The following MBD2 variants were observed in gnomAD, a reference collection of about 807,000 sequenced individuals.
MBD2 encodes methyl-CpG binding domain protein 2.
In MBD2, 9 loss-of-function variants were observed where a neutral mutation model predicts 39.3. The observed-to-expected ratio is 0.23, with a 90% confidence interval of 0.14 to 0.40. MBD2 has a LOEUF of 0.40. MBD2 is among the 10% of genes least tolerant of loss of function. MBD2 has a pLI of 1.00. For synonymous variants in MBD2, 233 were observed against 211.1 expected, an observed-to-expected ratio of 1.10 and a Z score of -0.90; for missense variants, 458 against 532.6, an observed-to-expected ratio of 0.86 and a Z score of 1.38.
chr18:54,192,866 A>G (rs1178672288), intron 2 of MBD2, among the ~76,000 whole-genome samples: 1 of 152,252 alleles, frequency 6.6e-6, no homozygotes, highest in Non-Finnish European at 1.5e-5. Context: ...TTTAAGATAT[A>G]CAACTAACTT....
chr18:54,180,897 CTTTTTCTTTTTTTT>C (rs2086246750), intron 3 of MBD2, among the ~76,000 whole-genome samples: 4 of 105,370 alleles, frequency 3.8e-5, no homozygotes, highest in Non-Finnish European at 5.4e-5. Context: ...TTAATTTTTT[CTTTTTCTTTTTTTT>C]TTTTTTTTTT....
chr18:54,175,090 T>C (rs1185286487), intron 3 of MBD2, among the ~76,000 whole-genome samples: 1 of 152,224 alleles, frequency 6.6e-6, no homozygotes, highest in African/African-American at 2.4e-5. Flanking sequence ...TAAAACTTAT[T>C]TTAGCTCTCA....
At chr18:54,220,542 AG>A (rs777231033) in intron 1 of MBD2, among the ~76,000 whole-genome samples, 10 of 152,342 alleles carry the variant, frequency 6.6e-5, no homozygotes, top group South Asian at 2.1e-4. Context: ...TAACAGGCAC[AG>A]ATTTGTTTAA....
Position 54,201,698 on chromosome 18 carries a change from T to TA in MBD2, c.702+3299dup, listed in dbSNP as rs1470213049. 2.0e-5 allele frequency among the ~76,000 whole-genome samples: 3 copies of TA among 151,978 alleles called. No individual in the cohort carries two copies. The East Asian group carries it at 5.8e-4, about 30-fold the overall frequency. On this transcript the variant is annotated intron_variant, in intron 2 of 6. Transcript: ENST00000256429. ...TAACACGGTGAAACTCCGTCTCTAC[T>TA]AAAAATACAAAGAAATTAGCCGGGC...
chr18:54,177,357 T>A (rs2086218709), intron 3 of MBD2, among the ~76,000 whole-genome samples: 1 of 152,222 alleles, frequency 6.6e-6, no homozygotes, highest in African/African-American at 2.4e-5. Context: ...AACTGATGAT[T>A]TCAAAACCCA....
intron 2 of MBD2, among the ~76,000 whole-genome samples, chr18:54,194,365 CTTAT>C (rs1432417726): frequency 2.0e-5 from 3 of 151,936 alleles, no homozygotes; most frequent in African/African-American, 4.8e-5. Flanking sequence ...CATTTCCAAA[CTTAT>C]TTCTTATTTT....
At chr18:54,192,808 T>C (rs913893723) in intron 2 of MBD2, among the ~76,000 whole-genome samples, 2 of 114,282 alleles carry the variant, frequency 1.8e-5, no homozygotes, top group Middle Eastern at 4.2e-3. Context: ...CATTCACTTA[T>C]GTTTCTGTGC....
intron 3 of MBD2, among the ~76,000 whole-genome samples, chr18:54,181,660 A>G (rs1404449507): frequency 6.6e-6 from 1 of 151,916 alleles, no homozygotes; most frequent in Non-Finnish European, 1.5e-5. Flanking sequence ...CACCACACCC[A>G]GCTAATTTTT....
At chr18:54,201,081 A>C (rs1410620662) in intron 2 of MBD2, among the ~76,000 whole-genome samples, 1 of 134,870 alleles carries the variant, frequency 7.4e-6, no homozygotes, top group Non-Finnish European at 1.7e-5. Context: ...CCCCGTCTCA[A>C]AAAAAAAAAA....
intron 3 of MBD2, among the ~76,000 whole-genome samples, chr18:54,171,200 G>A (rs981088010): frequency 2.0e-5 from 3 of 152,022 alleles, no homozygotes; most frequent in Admixed American, 6.5e-5. Context: ...TCAGGAGTTC[G>A]AGACCAGCCT....
In MBD2 at chr18:54,168,224, A is replaced by T. The variant is rs893719367; in HGVS notation, c.841-2058T>A. ...CTAAAAGTTCCAATTCCAGATATTA[A>T]AAAATAATTTGTTTTATTCTATCAT... On this transcript the variant is annotated intron_variant, in intron 3 of 6. Coordinates refer to ENST00000256429, the MANE Select transcript of MBD2 (RefSeq NM_003927.5). 2.0e-5 allele frequency among the ~76,000 whole-genome samples: 3 copies of T among 151,870 alleles called. No homozygotes were observed. In the East Asian group the frequency reaches 5.8e-4, roughly 29 times the overall value.
At chr18:54,156,503 G>A (rs939120140) in intron 6 of MBD2, among the ~76,000 whole-genome samples, 8 of 152,096 alleles carry the variant, frequency 5.3e-5, no homozygotes, top group African/African-American at 1.2e-4. Context: ...ACACAGCCTC[G>A]CTCACATAAA....
intron 3 of MBD2, among the ~76,000 whole-genome samples, chr18:54,175,783 C>T (rs886133943): frequency 2.0e-5 from 3 of 152,270 alleles, no homozygotes; most frequent in African/African-American, 7.2e-5. Context: ...AATCCAATTC[C>T]TAGCTCAAGC....
At chr18:54,161,884 G>T (rs1780800559) in intron 5 of MBD2, among the ~76,000 whole-genome samples, 1 of 152,186 alleles carries the variant, frequency 6.6e-6, no homozygotes. Context: ...AATCGAGAGA[G>T]ATTATTGTAG....
At chr18:54,203,237 T>G in intron 2 of MBD2, 1 of 1,094,746 alleles carries the variant, frequency 9.1e-7, no homozygotes, top group African/African-American at 1.6e-5. Flanking sequence ...AGTACAGTAA[T>G]CTAAAAGTAC....
chr18:54,192,556 C>T (rs1433213279), intron 2 of MBD2, among the ~76,000 whole-genome samples: 1 of 152,136 alleles, frequency 6.6e-6, no homozygotes, highest in East Asian at 1.9e-4. Context: ...GAATGATATA[C>T]TCTGCTGGTA....
At chr18:54,190,092 CCT>C (rs1170304246) in intron 2 of MBD2, among the ~76,000 whole-genome samples, 1 of 152,130 alleles carries the variant, frequency 6.6e-6, no homozygotes, top group Admixed American at 6.5e-5. Flanking sequence ...CATAAATTAA[CCT>C]CTTTTATATA....
intron 3 of MBD2, among the ~76,000 whole-genome samples, chr18:54,166,827 C>T (rs78171064): frequency 2.0e-5 from 3 of 152,318 alleles, no homozygotes; most frequent in East Asian, 1.9e-4. Flanking sequence ...AGTGGCTCCT[C>T]GTGCCCTAGG....
intron 1 of MBD2, among the ~76,000 whole-genome samples, chr18:54,222,934 C>T (rs1444351938): frequency 6.6e-6 from 1 of 152,144 alleles, no homozygotes; most frequent in African/African-American, 2.4e-5. Context: ...CACATTTTCC[C>T]AGAGCTACTT....
Sources: allele counts gnomAD v4.1 joint callset (sites outside exome capture counted in the v4.1 genomes callset), GRCh38; gene constraint gnomAD v4.1.1; transcripts MANE v1.5; gene names NCBI Gene and HGNC (gene_info 2026-07-23, HGNC 2026-07-21).